ZBTB20: variants seen among roughly 807,000 people sequenced by gnomAD.
ZBTB20 encodes zinc finger and BTB domain-containing protein 20.
Under a neutral mutation model 56.9 loss-of-function variants are expected in ZBTB20, and 9 were observed. The observed-to-expected ratio is 0.16, with a 90% CI of 0.10 to 0.28. ZBTB20 has a LOEUF of 0.28. Among genes scored for constraint, ZBTB20 ranks in the 10% least tolerant of loss-of-function variants. ZBTB20 has a pLI of 1.00. For missense variants in ZBTB20, 655 were observed against 1,003.0 expected, an observed-to-expected ratio of 0.65 and a Z score of 4.69; for synonymous variants, 417 against 420.7, an observed-to-expected ratio of 0.99 and a Z score of 0.11.
In ZBTB20 at chr3:114,351,310, G is replaced by A. The variant is rs1333708560; in HGVS notation, c.768C>T (p.Ser256=). The part of the protein sequence containing the change: ...ALYACSMQNG[S]GERSFYSGAV... ...CGCCGCTGTAAAAAGAGCGCTCGCC[G>A]CTGCCATTCTGCATGGAGCACGCGT... The change falls in exon 11 of 12, where the codon AGC becomes AGT. Residue 256 remains serine, a synonymous_variant. Coordinates refer to ENST00000675478, the MANE Select transcript of ZBTB20 (RefSeq NM_001348800.3). 10 of 1,606,018 alleles carry A rather than the reference G, an allele frequency of 6.2e-6. No individual in the cohort carries two copies. Among genetic ancestry groups the A allele is most frequent in the Non-Finnish European group, 8.5e-6 (10 of 1,178,862 alleles).
chr3:114,949,507 C>T lies in ZBTB20; in HGVS notation c.-456+24859G>A, dbSNP rs1359875539. ...ATAAGGTCAGGCGCGGCGGCTCATG[C>T]CTGTAATCCCAGCACTTTGGGAGGC... On this transcript the variant is annotated intron_variant, in intron 3 of 11. Transcript: ENST00000675478. 2.7e-5 allele frequency among the ~76,000 whole-genome samples: 4 copies of T among 146,372 alleles called. No individual in the cohort carries two copies. The East Asian group carries it at 7.7e-4, about 28-fold the overall frequency.
rs1268289516 is a variant in ZBTB20, at chr3:114,320,246, T to C, written c.*18759A>G. The C allele has an allele frequency of 1.3e-5, 2 of 152,240 alleles. No individual in the cohort carries two copies. The highest frequency in any genetic ancestry group is 1.9e-4 in the East Asian group (1 of 5,206). The allele number at this position is 152,240 out of a possible 1,614,324, so 9.4% of individuals were successfully genotyped here. ...GCTTATTTGCTGTTTTTTTCCCTCA[T>C]GGTTTTGCTTTGTTTTGTTTCTGAT... is the stretch of plus-strand genomic sequence containing the variant. On this transcript the variant is annotated 3_prime_UTR_variant, in exon 12 of 12. Coordinates refer to ENST00000675478, the MANE Select transcript of ZBTB20 (RefSeq NM_001348800.3).
intron 2 of ZBTB20, among the ~76,000 whole-genome samples, chr3:114,975,279 T>C (rs935923121): frequency 1.3e-5 from 2 of 152,192 alleles, no homozygotes; most frequent in Non-Finnish European, 2.9e-5. Flanking sequence ...AAATTTGCTA[T>C]GAAATCTCAA....
chr3:114,549,220 A>G (rs1434088640), intron 6 of ZBTB20, among the ~76,000 whole-genome samples: 1 of 152,170 alleles, frequency 6.6e-6, no homozygotes, highest in Non-Finnish European at 1.5e-5. Context: ...ACTTGCCCTT[A>G]TAACTTTAAA....
chr3:114,875,173 T>G (rs2076147948), intron 4 of ZBTB20, among the ~76,000 whole-genome samples: 1 of 152,174 alleles, frequency 6.6e-6, no homozygotes, highest in African/African-American at 2.4e-5. Context: ...GATTAGCACT[T>G]TGCATAATTA....
rs572306239 is a variant in ZBTB20 at position 114,787,422 on chromosome 3, C to T, written c.-343+13679G>A. 4.1e-5 allele frequency among the ~76,000 whole-genome samples: 6 copies of T among 146,878 alleles called. No homozygotes were observed. In the Admixed American group the frequency reaches 4.1e-4, roughly 10 times the overall value. On this transcript the variant is annotated intron_variant, in intron 5 of 11. Coordinates refer to ENST00000675478, the MANE Select transcript of ZBTB20 (RefSeq NM_001348800.3). ...ATATACATATATATACGTGTGTACACATATATACACGTATATACACATATA... is the reference window on the plus strand; with the variant it reads ...ATATACATATATATACGTGTGTACATATATATACACGTATATACACATATA...
intron 6 of ZBTB20, among the ~76,000 whole-genome samples, chr3:114,538,633 A>C (rs2048755452): frequency 6.6e-6 from 1 of 152,180 alleles, no homozygotes; most frequent in Non-Finnish European, 1.5e-5. Flanking sequence ...CACGCAGTTT[A>C]AATTAAGTGC....
At chr3:115,110,039 G>A (rs1426831784) in intron 1 of ZBTB20, among the ~76,000 whole-genome samples, 3 of 151,898 alleles carry the variant, frequency 2.0e-5, no homozygotes, top group African/African-American at 4.8e-5. Context: ...GCGAAACTCC[G>A]TCTCTACTAA....
At chr3:114,554,317 A>AT (rs2050935781) in intron 6 of ZBTB20, among the ~76,000 whole-genome samples, 3 of 152,184 alleles carry the variant, frequency 2.0e-5, no homozygotes, top group Non-Finnish European at 4.4e-5. Flanking sequence ...AGATGAGGTA[A>AT]TATATAATCT....
intron 10 of ZBTB20, among the ~76,000 whole-genome samples, chr3:114,355,465 G>A (rs2081150067): frequency 6.6e-6 from 1 of 152,218 alleles, no homozygotes; most frequent in African/African-American, 2.4e-5. Context: ...TTGCTGATAT[G>A]AGTACAGATG....
chr3:114,814,232 CTTAA>C (rs1457851836), intron 4 of ZBTB20, among the ~76,000 whole-genome samples: 4 of 149,320 alleles, frequency 2.7e-5, no homozygotes, highest in Non-Finnish European at 5.9e-5. Flanking sequence ...TTTTTATTTA[CTTAA>C]TTTATATTAT....
At chr3:114,413,000 T>C (rs73241526) in intron 7 of ZBTB20, among the ~76,000 whole-genome samples, 2,541 of 152,234 alleles carry the variant, frequency 0.017, 34 homozygotes, top group Non-Finnish European at 0.027. Context: ...GCCCAGAGCA[T>C]AGAGTGTAAT....
At chr3:114,501,865 C>A (rs1214758712) in intron 6 of ZBTB20, among the ~76,000 whole-genome samples, 1 of 151,594 alleles carries the variant, frequency 6.6e-6, no homozygotes, top group Non-Finnish European at 1.5e-5. Context: ...CGCACCACCA[C>A]ACCCAGCTAA....
chr3:114,780,931 CTG>C (rs1477134608), intron 5 of ZBTB20, among the ~76,000 whole-genome samples: 2 of 152,134 alleles, frequency 1.3e-5, no homozygotes, highest in Admixed American at 6.6e-5. Flanking sequence ...TTCATTTACA[CTG>C]TATATTACCT....
At chr3:115,145,280 T>C (rs1210599395) in intron 1 of ZBTB20, among the ~76,000 whole-genome samples, 1 of 152,086 alleles carries the variant, frequency 6.6e-6, no homozygotes, top group East Asian at 1.9e-4. Context: ...AAAATACAGA[T>C]TCTTCATTTT....
At chr3:114,363,073 T>C (rs2082052542) in intron 10 of ZBTB20, among the ~76,000 whole-genome samples, 1 of 152,162 alleles carries the variant, frequency 6.6e-6, no homozygotes, top group Admixed American at 6.5e-5. Context: ...CTTTGGCCCT[T>C]CACATACTGG....
At chr3:114,423,346 G>T (rs115032864) in intron 7 of ZBTB20, among the ~76,000 whole-genome samples, 1 of 152,268 alleles carries the variant, frequency 6.6e-6, no homozygotes, top group African/African-American at 2.4e-5. Flanking sequence ...CATAAAATGT[G>T]CTTTACAAAT....
intron 3 of ZBTB20, among the ~76,000 whole-genome samples, chr3:114,904,741 T>G: frequency 6.6e-6 from 1 of 151,884 alleles, no homozygotes; most frequent in East Asian, 1.9e-4. Flanking sequence ...TGGCCCTTCA[T>G]TTTGAAAAGC....
rs1353828713 is a variant in ZBTB20 at position 114,329,421 on chromosome 3, C to T, written c.*9584G>A. ...GCTTTCCATGCATTGGGTTGAATAGCTGAGGGAAGCTGAAGACTCTTATCT... is the reference window on the plus strand; with the variant it reads ...GCTTTCCATGCATTGGGTTGAATAGTTGAGGGAAGCTGAAGACTCTTATCT... On this transcript the variant is annotated 3_prime_UTR_variant, in exon 12 of 12. Transcript: ENST00000675478. 4 of 152,010 alleles carry T rather than the reference C, an allele frequency of 2.6e-5. No homozygotes were observed. The highest frequency in any genetic ancestry group is 9.7e-5 in the African/African-American group (4 of 41,378). 9.4% of individuals were successfully genotyped at this position (152,010 alleles called of 1,614,324 possible).
Sources: allele counts gnomAD v4.1 joint callset (sites outside exome capture counted in the v4.1 genomes callset), GRCh38; gene constraint gnomAD v4.1.1; transcripts MANE v1.5; gene names NCBI Gene and HGNC (gene_info 2026-07-23, HGNC 2026-07-21).